PTPRT: variants seen among roughly 807,000 people sequenced by gnomAD.
PTPRT encodes protein tyrosine phosphatase receptor type T, also known as receptor-type tyrosine-protein phosphatase T.
A neutral mutation model predicts 176.8 loss-of-function variants in PTPRT; 56 were observed. The observed-to-expected ratio is 0.32, with a 90% CI of 0.26 to 0.40. The LOEUF (loss-of-function observed/expected upper bound fraction) is 0.40, where lower values mean the gene tolerates loss of function less well. Among genes scored for constraint, PTPRT ranks in the 10% least tolerant of loss-of-function variants. The probability of loss-of-function intolerance (pLI) is 1.00; values close to 1 mark genes in which losing one functional copy is unlikely to be tolerated. For missense variants in PTPRT, 1,540 were observed against 1,908.2 expected (o/e 0.81, Z 3.60); for synonymous variants, 783 against 739.0 (o/e 1.06, Z -0.96).
chr20:42,733,065 A>C (rs1391831021), intron 6 of PTPRT, among the ~76,000 whole-genome samples: 2 of 152,172 alleles, frequency 1.3e-5, no homozygotes, highest in Non-Finnish European at 2.9e-5. Flanking sequence ...CCTCATGTGG[A>C]AATAAAGGTG....
chr20:42,267,984 G>A (rs2056867198), intron 13 of PTPRT, among the ~76,000 whole-genome samples: 1 of 152,104 alleles, frequency 6.6e-6, no homozygotes, highest in Non-Finnish European at 1.5e-5. Context: ...CCAGAAGGTG[G>A]CATTGCTGAG....
At chr20:42,853,817 C>T (rs1162523265) in intron 2 of PTPRT, among the ~76,000 whole-genome samples, 1 of 152,214 alleles carries the variant, frequency 6.6e-6, no homozygotes, top group Non-Finnish European at 1.5e-5. Context: ...AGAATGACTG[C>T]ATGCCAGGAT....
intron 2 of PTPRT, among the ~76,000 whole-genome samples, chr20:42,837,107 G>C (rs2078194167): frequency 6.6e-6 from 1 of 152,196 alleles, no homozygotes; most frequent in Admixed American, 6.5e-5. Context: ...ATAGATGGGA[G>C]AACAAGGCCC....
intron 18 of PTPRT, among the ~76,000 whole-genome samples, chr20:42,137,097 A>G (rs1988413783): frequency 6.6e-6 from 1 of 152,218 alleles, no homozygotes; most frequent in Non-Finnish European, 1.5e-5. Flanking sequence ...GGTGCTGGCA[A>G]TTTGAATTAG....
At chr20:42,134,075 T>G (rs921674129) in intron 18 of PTPRT, among the ~76,000 whole-genome samples, 3 of 152,354 alleles carry the variant, frequency 2.0e-5, no homozygotes, top group East Asian at 3.9e-4. Context: ...ACAAAGGCAC[T>G]GCAAGGAGTG....
chr20:42,600,648 A>T (rs1417060235), intron 7 of PTPRT, among the ~76,000 whole-genome samples: 1 of 152,062 alleles, frequency 6.6e-6, no homozygotes, highest in Non-Finnish European at 1.5e-5. Context: ...AATGTCTCTT[A>T]TTCCACTCTG....
At chr20:42,394,737 T>C (rs1349102639) in intron 9 of PTPRT, among the ~76,000 whole-genome samples, 1 of 151,756 alleles carries the variant, frequency 6.6e-6, no homozygotes, top group Non-Finnish European at 1.5e-5. Context: ...ATCAAAACTA[T>C]GAGCAAAGAG....
At position 43,127,231 on chromosome 20, in the gene PTPRT, G is replaced by A. The variant is rs1463201819; in HGVS notation, c.88+62415C>T. 2.0e-5 allele frequency among the ~76,000 whole-genome samples: 3 copies of A among 152,026 alleles called. No homozygotes were observed. The East Asian group carries it at 5.8e-4, about 29-fold the overall frequency. ...AAGGTCAGGAGATGGAGACCATCCT[G>A]GCTAACATGGTGAAACCCTATCTCT... On this transcript the variant is annotated intron_variant, in intron 1 of 30. Coordinates refer to ENST00000373187, the MANE Select transcript of PTPRT (RefSeq NM_007050.6).
chr20:42,083,480 GT>G (rs1325778788), intron 29 of PTPRT, among the ~76,000 whole-genome samples: 5 of 152,210 alleles, frequency 3.3e-5, no homozygotes, highest in African/African-American at 1.2e-4. Context: ...CTAGCCTGAG[GT>G]TTGCTTCCTC....
intron 11 of PTPRT, among the ~76,000 whole-genome samples, chr20:42,325,543 A>G (rs2057869645): frequency 6.6e-6 from 1 of 152,180 alleles, no homozygotes; most frequent in South Asian, 2.1e-4. Context: ...CAGTTTCAAT[A>G]TACTGTATAT....
chr20:42,228,364 G>A (rs1419133371), intron 15 of PTPRT, among the ~76,000 whole-genome samples: 5 of 152,288 alleles, frequency 3.3e-5, no homozygotes, highest in South Asian at 4.1e-4. Flanking sequence ...TTTGGCATGC[G>A]TGACTGATGC....
At chr20:42,208,608 T>C (rs936877596) in intron 15 of PTPRT, among the ~76,000 whole-genome samples, 16 of 151,878 alleles carry the variant, frequency 1.1e-4, no homozygotes, top group African/African-American at 3.6e-4. Flanking sequence ...CCTAAATATA[T>C]ATGCACCCAA....
At chr20:42,905,032 A>G (rs886978961) in intron 1 of PTPRT, among the ~76,000 whole-genome samples, 10 of 152,234 alleles carry the variant, frequency 6.6e-5, no homozygotes, top group African/African-American at 2.4e-4. Flanking sequence ...CTGAAACACC[A>G]AAAGCAATGG....
At chr20:42,616,943 C>T (rs1011170755) in intron 7 of PTPRT, among the ~76,000 whole-genome samples, 3,926 of 131,678 alleles carry the variant, frequency 0.03, 1,035 homozygotes, top group African/African-American at 0.13. Context: ...CTTCTCCTGC[C>T]TCATTGCCCT....
intron 9 of PTPRT, among the ~76,000 whole-genome samples, chr20:42,403,463 C>T (rs1296784211): frequency 6.6e-6 from 1 of 152,128 alleles, no homozygotes; most frequent in African/African-American, 2.4e-5. Flanking sequence ...ATAGTTACTA[C>T]TACTACCTAC....
At chr20:42,393,482 C>T (rs534192096) in intron 9 of PTPRT, among the ~76,000 whole-genome samples, 33 of 152,042 alleles carry the variant, frequency 2.2e-4, no homozygotes, top group African/African-American at 7.5e-4. Context: ...CAAACATCTG[C>T]TTCCCCACTC....
At chr20:42,050,852 C>T in the PTPRT span, among the ~76,000 whole-genome samples, 3 of 152,116 alleles carry the variant, frequency 2.0e-5, no homozygotes, top group Non-Finnish European at 4.4e-5. Flanking sequence ...GAGAGGGACC[C>T]ACTGGCTATT....
intron 15 of PTPRT, among the ~76,000 whole-genome samples, chr20:42,235,874 C>T (rs1406058930): frequency 6.6e-6 from 1 of 152,186 alleles, no homozygotes; most frequent in Admixed American, 6.5e-5. Context: ...TTAGAAGTTG[C>T]TAAGACTGTG....
chr20:42,562,584 T>A (rs187810102), intron 7 of PTPRT, among the ~76,000 whole-genome samples: 61 of 152,372 alleles, frequency 4.0e-4, no homozygotes, highest in African/African-American at 1.4e-3. Flanking sequence ...GGAATGTTTA[T>A]AGAAATATGC....
Sources: gnomAD v4.1 joint callset for allele counts (sites outside exome capture counted in the v4.1 genomes callset) on GRCh38, gnomAD v4.1.1 for gene constraint, MANE v1.5 for transcripts, NCBI Gene and HGNC (gene_info 2026-07-23, HGNC 2026-07-21) for gene names.